Variants in MSLN observed in about 807,000 individuals in gnomAD.
MSLN encodes mesothelin.
MSLN carries 82 observed loss-of-function variants against 72.6 expected under a neutral mutation model. That is an observed-to-expected ratio of 1.13 (90% confidence interval 0.94 to 1.36). The LOEUF (loss-of-function observed/expected upper bound fraction) is 1.36. Among genes scored for constraint, MSLN ranks in the 40% most tolerant of loss-of-function variants. The probability of loss-of-function intolerance (pLI) is 0.00; values close to 1 mark genes in which losing one functional copy is unlikely to be tolerated. For missense variants in MSLN, 1,005 were observed against 847.9 expected (o/e 1.19, Z -2.30); for synonymous variants, 456 against 387.3 (o/e 1.18, Z -2.08).
chr16:764,294 C>A, intron 6 of MSLN, 151 bp downstream of exon 6: 2 of 1,173,822 alleles, frequency 1.7e-6, no homozygotes, highest in Non-Finnish European at 2.3e-6. Flanking sequence ...TCTGGCCACC[C>A]AAGCTGACCA....
At chr16:766,569 T>G in intron 13 of MSLN, 79 bp downstream of exon 13, 2 of 1,608,074 alleles carry the variant, frequency 1.2e-6, no homozygotes, top group South Asian at 2.2e-5. Flanking sequence ...AGCCTGAGGT[T>G]GGGCGGGCCT....
In MSLN at chr16:765,603, CG is replaced by C; in HGVS notation, c.782del (p.Arg261ProfsTer51). ...GCCCGTGCTGGGCCAGCCCATCATC[CG>C]CAGCATCCCGCAGGTGAGACCCCAA... ...LLPVLGQPII[R>X]SIPQGIVAAW... On this transcript the variant is annotated frameshift_variant, in exon 10 of 18. Coordinates refer to ENST00000545450, the MANE Select transcript of MSLN (RefSeq NM_005823.6). LOFTEE classifies it high-confidence loss of function. 6.2e-7 allele frequency: 1 copy of C among 1,603,606 alleles called. No homozygotes were observed. Among genetic ancestry groups the C allele is most frequent in the Admixed American group, 1.7e-5 (1 of 59,922 alleles).
Position 765,582 on chromosome 16 carries a change from G to T in MSLN, c.760G>T (p.Val254Leu). 6.2e-7 allele frequency: 1 copy of T among 1,605,878 alleles called. No individual in the cohort carries two copies. The highest frequency in any genetic ancestry group is 8.5e-7 in the Non-Finnish European group (1 of 1,179,386). ...GGACGCTCTGCGGGGCCTGCTGCCCGTGCTGGGCCAGCCCATCATCCGCAG... is the reference window on the plus strand; with the variant it reads ...GGACGCTCTGCGGGGCCTGCTGCCCTTGCTGGGCCAGCCCATCATCCGCAG... The part of the protein sequence containing the change: ...TMDALRGLLP[V>L]LGQPIIRSIP... The change falls in exon 10 of 18, where the codon GTG (valine) becomes TTG (leucine). Residue 254 changes from valine to leucine, a missense_variant. Val to Leu is a conservative substitution (Grantham distance 32). Coordinates refer to ENST00000545450, the MANE Select transcript of MSLN (RefSeq NM_005823.6).
In MSLN at chr16:767,387, A is replaced by G. The variant is rs1347139571; in HGVS notation, c.1513A>G (p.Thr505Ala). The G allele has an allele frequency of 3.7e-6, 6 of 1,608,812 alleles. No individual in the cohort carries two copies. The highest frequency in any genetic ancestry group is 2.2e-5 in the South Asian group (2 of 90,942). Reference sequence around the variant, plus strand: ...CTCCCGGCGGGCAGGTGGGGCCCCCACGGAGGATTTGAAGGCGCTCAGTCA... The same window carrying G: ...CTCCCGGCGGGCAGGTGGGGCCCCCGCGGAGGATTTGAAGGCGCTCAGTCA... ...KIQSFLGGAP[T>A]EDLKALSQQN... is the part of the protein sequence containing the mutation. Residue 505 changes from threonine to alanine, a missense_variant, in exon 16 of 18, where the codon ACG (threonine) becomes GCG (alanine). By Grantham distance (58) the Thr-to-Ala change is moderately conservative. Coordinates refer to ENST00000545450, the MANE Select transcript of MSLN (RefSeq NM_005823.6).
intron 4 of MSLN, 140 bp from the exon 5 acceptor site, chr16:763,502 C>G (rs1399007971): frequency 2.0e-5 from 18 of 920,908 alleles, no homozygotes; most frequent in Admixed American, 2.9e-5. Context: ...GAGAAGCAGC[C>G]AAGCCCATGG....
intron 2 of MSLN, 90 bp from the exon 3 acceptor site, chr16:762,582 C>T (rs1266306172): frequency 8.3e-6 from 8 of 963,302 alleles, no homozygotes; most frequent in Non-Finnish European, 1.3e-5. Flanking sequence ...TCTGGGAGCC[C>T]CTCCTGGGCC....
chr16:763,986 G>T, intron 5 of MSLN, 37 bp from the exon 6 acceptor site: 2 of 1,591,034 alleles, frequency 1.3e-6, no homozygotes, highest in South Asian at 2.2e-5. Flanking sequence ...TGCAGGGGAG[G>T]GGCGATCGTG....
chr16:764,268 T>G, intron 6 of MSLN, 125 bp downstream of exon 6: 1 of 1,361,890 alleles, frequency 7.3e-7, no homozygotes, highest in Non-Finnish European at 9.8e-7. Context: ...CCCCGGCCAG[T>G]TCTTCCCAGA....
chr16:768,666 C>T lies in MSLN; in HGVS notation c.1802C>T (p.Pro601Leu), dbSNP rs1261289671. 3.7e-6 allele frequency: 6 copies of T among 1,611,016 alleles called. No individual in the cohort carries two copies. In the South Asian group the frequency reaches 5.5e-5, roughly 15 times the overall value. ...LSMQEALSGT[P>L]CLLGPGPVLT... Reference sequence around the variant, plus strand: ...TCTGTAGAGGCCCTCTCGGGGACGCCCTGCCTCCTAGGACCTGGACCTGTT... The same window carrying T: ...TCTGTAGAGGCCCTCTCGGGGACGCTCTGCCTCCTAGGACCTGGACCTGTT... The change falls in exon 18 of 18, where the codon CCC becomes CTC. Residue 601 changes from proline (P) to leucine (L), a missense_variant. Pro to Leu is a moderately conservative substitution (Grantham distance 98). Coordinates refer to ENST00000545450, the MANE Select transcript of MSLN (RefSeq NM_005823.6).
chr16:763,599 G>A, intron 4 of MSLN, 43 bp from the exon 5 acceptor site: 1 of 1,553,416 alleles, frequency 6.4e-7, no homozygotes, highest in Non-Finnish European at 8.7e-7. Flanking sequence ...TCCTGCTCCA[G>A]AGAGCTGGTC....
At position 763,689 on chromosome 16, in the gene MSLN, C is replaced by T; in HGVS notation, c.177C>T (p.Ser59=). Residue 59 remains serine (S), a splice_region_variant and synonymous_variant, in exon 5 of 18, where the codon TCC becomes TCT. Coordinates refer to ENST00000545450, the MANE Select transcript of MSLN (RefSeq NM_005823.6). ...TCCTGGCCAACCCACCTAACATTTC[C>T]AGGTGGGTCTGGGGTCCTCACAGTC... ...DGVLANPPNI[S]SLSPRQLLGF... 1 of 1,466,776 alleles carries T rather than the reference C, an allele frequency of 6.8e-7. No individual in the cohort carries two copies. Among genetic ancestry groups the T allele is most frequent in the East Asian group, 2.6e-5 (1 of 38,810 alleles). The allele number at this position is 1,466,776 out of a possible 1,614,324, so 90.9% of individuals were successfully genotyped here.
At position 761,803 on chromosome 16, in the gene MSLN, G is replaced by A. The variant is rs142558813; in HGVS notation, c.-10+629G>A. On this transcript the variant is annotated intron_variant, in intron 2 of 17. Transcript: ENST00000545450. ...GGCTCTGCCTGTGGATGGGGCTGCTGAGCATGAGCGTGTGACCCCCATTTC... is the reference window on the plus strand; with the variant it reads ...GGCTCTGCCTGTGGATGGGGCTGCTAAGCATGAGCGTGTGACCCCCATTTC... Among the ~76,000 whole-genome samples, 108 of 152,352 alleles carry A rather than the reference G, an allele frequency of 7.1e-4. No individual in the cohort carries two copies. The South Asian group carries it at 8.9e-3, about 13-fold the overall frequency.
At chr16:768,309 A>G (rs2041667861) in intron 16 of MSLN, 70 bp from the exon 17 acceptor site, 1 of 1,441,938 alleles carries the variant, frequency 6.9e-7, no homozygotes, top group Non-Finnish European at 9.2e-7. Flanking sequence ...GACACAGGAG[A>G]GCCTGGCAGC....
At position 768,530 on chromosome 16, in the gene MSLN, C is replaced by T. The variant is rs752998463; in HGVS notation, c.1748C>T (p.Pro583Leu). ...TLGLGLQGGI[P>L]NGYLVLDLSM... is the part of the protein sequence containing the mutation. ...GGGCTGGGGCTACAGGGCGGCATCC[C>T]CAACGGCTACCTGGTCCTAGACCTC... is the stretch of plus-strand genomic sequence containing the variant. Residue 583 changes from proline to leucine, a missense_variant, in exon 17 of 18, where the codon CCC becomes CTC. By Grantham distance (98) the Pro-to-Leu change is moderately conservative. Coordinates refer to ENST00000545450, the MANE Select transcript of MSLN (RefSeq NM_005823.6). 1.2e-6 allele frequency: 2 copies of T among 1,601,232 alleles called. No homozygotes were observed. The highest frequency in any genetic ancestry group is 8.5e-7 in the Non-Finnish European group (1 of 1,173,330).
chr16:765,331 G>T, intron 9 of MSLN, 28 bp downstream of exon 9: 1 of 1,526,608 alleles, frequency 6.6e-7, no homozygotes, highest in Non-Finnish European at 8.8e-7. Context: ...GAACCTCGAA[G>T]GCTCACCTGG....
rs565104586 is a variant in MSLN at position 768,325 on chromosome 16, G to A, written c.1597-54G>A. On this transcript the variant is annotated intron_variant, in intron 16 of 17. Coordinates refer to ENST00000545450, the MANE Select transcript of MSLN (RefSeq NM_005823.6). ...ACACAGGAGAGCCTGGCAGCCCTCT[G>A]GCGGCGCTGAGGGAAGGAGACCCTC... 50 of 1,476,650 alleles carry A rather than the reference G, an allele frequency of 3.4e-5. No homozygotes were observed. The Admixed American group carries it at 7.8e-4, about 23-fold the overall frequency. The allele number at this position is 1,476,650 out of a possible 1,614,324, so 91.5% of individuals were successfully genotyped here.
chr16:763,886 C>A, intron 5 of MSLN, 137 bp from the exon 6 acceptor site: 1 of 1,284,844 alleles, frequency 7.8e-7, no homozygotes, highest in Non-Finnish European at 1.1e-6. Flanking sequence ...TTGAGGGCGT[C>A]ACCTGGTCTT....
At chr16:763,619 T>C (rs375852304) in intron 4 of MSLN, 23 bp from the exon 5 acceptor site, 14 of 1,585,854 alleles carry the variant, frequency 8.8e-6, no homozygotes, top group Non-Finnish European at 1.2e-5. Flanking sequence ...CTGAGCCATG[T>C]TCAGCAGGCC....
chr16:767,076 G>A (rs1408939319), intron 15 of MSLN, 64 bp downstream of exon 15: 10 of 1,605,842 alleles, frequency 6.2e-6, no homozygotes, highest in Non-Finnish European at 8.5e-6. Context: ...CTCCACTCGG[G>A]GGTGCCAGGC....
Sources: gnomAD v4.1 joint callset for allele counts (sites outside exome capture counted in the v4.1 genomes callset) on GRCh38, gnomAD v4.1.1 for gene constraint, MANE v1.5 for transcripts, NCBI Gene and HGNC (gene_info 2026-07-23, HGNC 2026-07-21) for gene names.